BCHE: variants seen among roughly 807,000 people sequenced by gnomAD.
BCHE encodes cholinesterase.
Under a neutral mutation model 51.3 loss-of-function variants are expected in BCHE, and 48 were observed. The observed-to-expected ratio is 0.94, with a 90% CI of 0.74 to 1.19. BCHE has a LOEUF of 1.19. BCHE is among the 50% of genes most tolerant of loss of function. BCHE has a pLI of 0.00. For missense variants in BCHE, 847 were observed against 708.2 expected (o/e 1.20, Z -2.23); for synonymous variants, 251 against 238.0 (o/e 1.05, Z -0.50).
At chr3:165,795,376 G>A (rs1189708944) in intron 2 of BCHE, among the ~76,000 whole-genome samples, 3 of 152,076 alleles carry the variant, frequency 2.0e-5, no homozygotes, top group African/African-American at 7.2e-5. Context: ...TAGTTTGTTA[G>A]GAAGGTCTTT....
chr3:165,800,753 G>C (rs747675375), intron 2 of BCHE, among the ~76,000 whole-genome samples: 4 of 152,040 alleles, frequency 2.6e-5, no homozygotes, highest in African/African-American at 9.7e-5. Context: ...TCAGGAAGCT[G>C]TTTGTTAGTC....
intron 2 of BCHE, among the ~76,000 whole-genome samples, chr3:165,819,827 A>C (rs1234542836): frequency 1.3e-5 from 2 of 152,174 alleles, no homozygotes; most frequent in Non-Finnish European, 2.9e-5. Context: ...CATTTTATTT[A>C]CTATGTTTTG....
intron 2 of BCHE, among the ~76,000 whole-genome samples, chr3:165,786,867 T>C (rs1712975178): frequency 6.6e-6 from 1 of 151,854 alleles, no homozygotes; most frequent in Admixed American, 6.6e-5. Flanking sequence ...TGTTTACTAA[T>C]TAAAAATCTT....
At position 165,789,927 on chromosome 3, in the gene BCHE, A is replaced by G. The variant is rs1713103423; in HGVS notation, c.1518-3616T>C. Among the ~76,000 whole-genome samples, 3 of 152,160 alleles carry G rather than the reference A, an allele frequency of 2.0e-5. No individual in the cohort carries two copies. In the South Asian group the frequency reaches 6.2e-4, roughly 32 times the overall value. On this transcript the variant is annotated intron_variant, in intron 2 of 3. Coordinates refer to ENST00000264381, the MANE Select transcript of BCHE (RefSeq NM_000055.4). ...AAAATAGAAATTCCTTTATCTTGCC[A>G]TTTTTATTTGATGAGAAAGACAATA...
At chr3:165,773,829 T>C (rs1220004495) in intron 3 of BCHE, among the ~76,000 whole-genome samples, 1 of 152,110 alleles carries the variant, frequency 6.6e-6, no homozygotes, top group African/African-American at 2.4e-5. Context: ...TATGTAGATA[T>C]TATGCTCTTT....
chr3:165,799,771 C>T (rs1005935702), intron 2 of BCHE, among the ~76,000 whole-genome samples: 1 of 151,860 alleles, frequency 6.6e-6, no homozygotes, highest in Non-Finnish European at 1.5e-5. Flanking sequence ...TTTTAATAAT[C>T]GATTTCAGAT....
chr3:165,784,935 C>G (rs1388762572), intron 3 of BCHE, among the ~76,000 whole-genome samples: 3 of 151,500 alleles, frequency 2.0e-5, no homozygotes, highest in Non-Finnish European at 4.4e-5. Flanking sequence ...TTATTTACAC[C>G]CGGAGGACAA....
intron 2 of BCHE, among the ~76,000 whole-genome samples, chr3:165,811,057 T>C (rs1434565522): frequency 6.6e-6 from 1 of 152,172 alleles, no homozygotes; most frequent in African/African-American, 2.4e-5. Context: ...CATTACCTAA[T>C]TGATATTTAA....
At chr3:165,834,773 C>A (rs940001562) in intron 1 of BCHE, among the ~76,000 whole-genome samples, 4 of 151,330 alleles carry the variant, frequency 2.6e-5, no homozygotes, top group African/African-American at 7.3e-5. Flanking sequence ...AAAACATTAT[C>A]GTTTTTCTTT....
intron 3 of BCHE, 110 bp downstream of exon 3, chr3:165,786,035 G>T: frequency 8.4e-7 from 1 of 1,187,454 alleles, no homozygotes; most frequent in Non-Finnish European, 1.2e-6. Flanking sequence ...TTATTTTAAA[G>T]TCAGAGATAC....
intron 3 of BCHE, among the ~76,000 whole-genome samples, chr3:165,783,729 A>T (rs2108200525): frequency 6.6e-6 from 1 of 152,120 alleles, no homozygotes; most frequent in African/African-American, 2.4e-5. Flanking sequence ...TAGTGAAAAA[A>T]TATTATTATC....
chr3:165,824,922 A>C (rs1714664275), intron 2 of BCHE, among the ~76,000 whole-genome samples: 1 of 152,118 alleles, frequency 6.6e-6, no homozygotes, highest in Non-Finnish European at 1.5e-5. Context: ...TACATTAATC[A>C]ATCATTTCAA....
At chr3:165,796,472 T>C (rs1468634782) in intron 2 of BCHE, among the ~76,000 whole-genome samples, 1 of 152,198 alleles carries the variant, frequency 6.6e-6, no homozygotes, top group African/African-American at 2.4e-5. Context: ...CTTGTTCATA[T>C]TGTCAGTCAG....
At chr3:165,779,664 A>G (rs1446607641) in intron 3 of BCHE, among the ~76,000 whole-genome samples, 2 of 152,156 alleles carry the variant, frequency 1.3e-5, no homozygotes, top group African/African-American at 4.8e-5. Flanking sequence ...TCCATTCACA[A>G]TTGCTACAAA....
chr3:165,809,541 C>T, intron 2 of BCHE, among the ~76,000 whole-genome samples: 1 of 152,070 alleles, frequency 6.6e-6, no homozygotes, highest in East Asian at 1.9e-4. Flanking sequence ...TTATTTCTCA[C>T]TATGTATATG....
At chr3:165,808,300 C>T (rs1713947697) in intron 2 of BCHE, among the ~76,000 whole-genome samples, 1 of 151,858 alleles carries the variant, frequency 6.6e-6, no homozygotes, top group Non-Finnish European at 1.5e-5. Flanking sequence ...TTAAGTGTTC[C>T]AACTCCAGCT....
intron 3 of BCHE, among the ~76,000 whole-genome samples, chr3:165,785,833 A>C (rs1245054546): frequency 6.6e-6 from 1 of 151,652 alleles, no homozygotes; most frequent in Admixed American, 6.6e-5. Flanking sequence ...AATTAATTCC[A>C]CAAAGATTAT....
intron 2 of BCHE, among the ~76,000 whole-genome samples, chr3:165,808,568 T>C (rs1046853399): frequency 1.3e-5 from 2 of 152,184 alleles, no homozygotes; most frequent in African/African-American, 4.8e-5. Context: ...TTTACTTGAA[T>C]ACCAATTTGG....
intron 2 of BCHE, among the ~76,000 whole-genome samples, chr3:165,807,517 GATTTATTTATTT>G (rs58025912): frequency 5.3e-5 from 8 of 149,790 alleles, no homozygotes; most frequent in South Asian, 4.2e-4. Context: ...GTTATTATGA[GATTTATTTATTT>G]ATTTATTTAT....
Sources: gnomAD v4.1 joint callset for allele counts (sites outside exome capture counted in the v4.1 genomes callset) on GRCh38, gnomAD v4.1.1 for gene constraint, MANE v1.5 for transcripts, NCBI Gene and HGNC (gene_info 2026-07-23, HGNC 2026-07-21) for gene names.